Variants in CHRM3 observed in about 807,000 individuals in gnomAD.
The protein encoded by CHRM3 is cholinergic receptor muscarinic 3, also known as muscarinic acetylcholine receptor M3.
A neutral mutation model predicts 41.8 loss-of-function variants in CHRM3; 11 were observed. The ratio of observed to expected loss-of-function variants is 0.26; its 90% confidence interval spans 0.17 to 0.44. The LOEUF (loss-of-function observed/expected upper bound fraction) is 0.44. Among genes scored for constraint, CHRM3 ranks in the 20% least tolerant of loss-of-function variants. The probability of loss-of-function intolerance (pLI) is 1.00; values close to 1 mark genes in which losing one functional copy is unlikely to be tolerated. For missense variants in CHRM3, 571 were observed against 745.4 expected (o/e 0.77, Z 2.72); for synonymous variants, 297 against 301.4 (o/e 0.99, Z 0.15).
At chr1:239,408,534 A>ACC (rs1553294738) in intron 1 of CHRM3, among the ~76,000 whole-genome samples, 7 of 150,628 alleles carry the variant, frequency 4.6e-5, no homozygotes, top group Admixed American at 4.0e-4. Context: ...AAAAAAAAAA[A>ACC]AAAAAAAAAA....
intron 5 of CHRM3, among the ~76,000 whole-genome samples, chr1:239,818,759 G>A (rs370064049): frequency 3.3e-5 from 5 of 152,308 alleles, no homozygotes; most frequent in East Asian, 1.9e-4. Flanking sequence ...CTGAGCAGAC[G>A]GAGTTGGCTT....
Position 239,591,503 on chromosome 1 carries a change from A to G in CHRM3, c.-312-40721A>G, listed in dbSNP as rs1664144246. ...TTTGGTCACACCATCTTAACGTGCT[A>G]AAGCAATGACTGCAGCGGACTGCTT... On this transcript the variant is annotated intron_variant, in intron 3 of 6. Coordinates refer to ENST00000676153, the MANE Select transcript of CHRM3 (RefSeq NM_001375978.1). Among the ~76,000 whole-genome samples the G allele has an allele frequency of 2.6e-5, 4 of 152,142 alleles. No individual in the cohort carries two copies. In the South Asian group the frequency reaches 8.3e-4, roughly 32 times the overall value.
At chr1:239,824,059 C>T (rs1477477702) in intron 5 of CHRM3, among the ~76,000 whole-genome samples, 7 of 151,994 alleles carry the variant, frequency 4.6e-5, no homozygotes, top group East Asian at 3.9e-4. Context: ...CCATCTGCTA[C>T]GGGCACAGAA....
chr1:239,555,018 G>A (rs565014213), intron 3 of CHRM3, among the ~76,000 whole-genome samples: 6 of 152,128 alleles, frequency 3.9e-5, no homozygotes, highest in Admixed American at 1.3e-4. Flanking sequence ...GTAAGCCACC[G>A]CTCCCAGCCC....
chr1:239,787,476 G>A (rs555330195), intron 5 of CHRM3, among the ~76,000 whole-genome samples: 4 of 152,194 alleles, frequency 2.6e-5, no homozygotes, highest in South Asian at 2.1e-4. Flanking sequence ...CTTAGAAGCC[G>A]AAACAAGAAC....
At chr1:239,619,466 G>A (rs1368600619) in intron 3 of CHRM3, among the ~76,000 whole-genome samples, 1 of 152,102 alleles carries the variant, frequency 6.6e-6, no homozygotes, top group African/African-American at 2.4e-5. Context: ...TAGTATTTAA[G>A]AATGTATCTA....
chr1:239,551,950 A>G (rs913344038), intron 3 of CHRM3, among the ~76,000 whole-genome samples: 11 of 152,152 alleles, frequency 7.2e-5, no homozygotes, highest in African/African-American at 2.7e-4. Flanking sequence ...AAAAAGGGGT[A>G]ATGTTTGAAT....
chr1:239,586,278 C>A (rs950291256), intron 3 of CHRM3, among the ~76,000 whole-genome samples: 1 of 151,850 alleles, frequency 6.6e-6, no homozygotes, highest in Non-Finnish European at 1.5e-5. Flanking sequence ...TTTTTTGCTG[C>A]TGTATTTTTG....
At chr1:239,787,182 G>A (rs185427094) in intron 5 of CHRM3, among the ~76,000 whole-genome samples, 1 of 152,312 alleles carries the variant, frequency 6.6e-6, no homozygotes, top group East Asian at 1.9e-4. Context: ...AAGATGGTAA[G>A]TTTAATTTTA....
At chr1:239,475,936 A>G (rs1477501260) in intron 1 of CHRM3, among the ~76,000 whole-genome samples, 1 of 152,122 alleles carries the variant, frequency 6.6e-6, no homozygotes, top group Non-Finnish European at 1.5e-5. Context: ...TTGTGAGAAA[A>G]TCATTCATTT....
chr1:239,744,689 T>C (rs1665192152), intron 5 of CHRM3, among the ~76,000 whole-genome samples: 1 of 152,172 alleles, frequency 6.6e-6, no homozygotes, highest in African/African-American at 2.4e-5. Flanking sequence ...TACGTGCTCA[T>C]TGAATATCCA....
At chr1:239,427,499 G>A (rs527350073) in intron 1 of CHRM3, among the ~76,000 whole-genome samples, 1 of 152,132 alleles carries the variant, frequency 6.6e-6, no homozygotes, top group South Asian at 2.1e-4. Flanking sequence ...GAAGGAGCCT[G>A]GGGAATATAC....
chr1:239,489,273 G>C (rs977951086), intron 1 of CHRM3, among the ~76,000 whole-genome samples: 1 of 152,052 alleles, frequency 6.6e-6, no homozygotes, highest in East Asian at 1.9e-4. Context: ...TTAGCCGGGC[G>C]TGGGGACACA....
chr1:239,514,159 G>A (rs922036053), intron 2 of CHRM3, among the ~76,000 whole-genome samples: 13 of 152,036 alleles, frequency 8.6e-5, no homozygotes, highest in African/African-American at 2.7e-4. Context: ...AAGTTTGCCA[G>A]TATTATAAAA....
chr1:239,515,793 C>A (rs1413523343), intron 2 of CHRM3, among the ~76,000 whole-genome samples: 1 of 152,096 alleles, frequency 6.6e-6, no homozygotes, highest in East Asian at 1.9e-4. Context: ...ATTTACTTCA[C>A]AATAGATAAA....
intron 5 of CHRM3, among the ~76,000 whole-genome samples, chr1:239,760,898 C>T (rs77516092): frequency 0.022 from 3,419 of 152,240 alleles, 108 homozygotes; most frequent in East Asian, 0.13. Flanking sequence ...TGAATCTATG[C>T]GCTTGTCGTT....
intron 6 of CHRM3, among the ~76,000 whole-genome samples, chr1:239,874,194 T>G (rs1676832590): frequency 6.8e-6 from 1 of 147,796 alleles, no homozygotes; most frequent in African/African-American, 2.5e-5. Context: ...GGGCTTCCTT[T>G]GCATAACTTC....
chr1:239,501,195 C>T (rs1668219292), intron 2 of CHRM3, among the ~76,000 whole-genome samples: 1 of 152,134 alleles, frequency 6.6e-6, no homozygotes, highest in Admixed American at 6.5e-5. Flanking sequence ...CTTCAATACT[C>T]CACTGACAGC....
At chr1:239,761,627 AGGCAATATGCTTCGGAGTGCTCG>A (rs1264301509) in intron 5 of CHRM3, among the ~76,000 whole-genome samples, 3 of 152,166 alleles carry the variant, frequency 2.0e-5, no homozygotes, top group Admixed American at 2.0e-4. Flanking sequence ...ACTACCACTG[AGGCAATATGCTTCGGAGTGCTCG>A]GCCAGATGCC....
Sources: gnomAD v4.1 joint callset for allele counts (sites outside exome capture counted in the v4.1 genomes callset) on GRCh38, gnomAD v4.1.1 for gene constraint, MANE v1.5 for transcripts, NCBI Gene and HGNC (gene_info 2026-07-23, HGNC 2026-07-21) for gene names.